Variants in ZSWIM7 observed in about 807,000 individuals in gnomAD.
ZSWIM7 encodes zinc finger SWIM domain-containing protein 7.
ZSWIM7 carries 22 observed loss-of-function variants against 21.1 expected under a neutral mutation model. The observed-to-expected ratio is 1.04, with a 90% CI of 0.74 to 1.49. The LOEUF (loss-of-function observed/expected upper bound fraction) is 1.49, where lower values mean the gene tolerates loss of function less well. Among genes scored for constraint, ZSWIM7 ranks in the 40% most tolerant of loss-of-function variants. The pLI is 0.00. For missense variants in ZSWIM7, 193 were observed against 168.0 expected, an observed-to-expected ratio of 1.15 and a Z score of -0.82; for synonymous variants, 67 against 66.5, an observed-to-expected ratio of 1.01 and a Z score of -0.04.
At chr17:15,979,483 C>T (rs943505213) in intron 4 of ZSWIM7, among the ~76,000 whole-genome samples, 3 of 152,192 alleles carry the variant, frequency 2.0e-5, no homozygotes, top group Non-Finnish European at 2.9e-5. Context: ...CATCATGGCC[C>T]GCTCTCAATG....
At position 15,987,363 on chromosome 17, in the gene ZSWIM7, T is replaced by G; in HGVS notation, c.104A>C (p.Lys35Thr). 1 of 1,612,858 alleles carries G rather than the reference T, an allele frequency of 6.2e-7. No individual in the cohort carries two copies. The highest frequency in any genetic ancestry group is 8.5e-7 in the Non-Finnish European group (1 of 1,179,472). ...RIPDEYLLSL[K>T]FLFGSSATQA... ...GGTGGCTGATGAGCCAAAGAGAAAC[T>G]TCAGCCTGTGAAATAAAAACACTTC... The change falls in exon 3 of 5, where the codon AAG (lysine) becomes ACG (threonine). Residue 35 changes from lysine (K) to threonine (T), a missense_variant. Coordinates refer to ENST00000399277, the MANE Select transcript of ZSWIM7 (RefSeq NM_001042697.2).
chr17:15,999,445 G>A (rs755493296), intron 1 of ZSWIM7, 74 bp downstream of exon 1: 22 of 1,558,838 alleles, frequency 1.4e-5, no homozygotes, highest in Non-Finnish European at 1.8e-5. Context: ...CCCGCCTCCT[G>A]CCTCCCGGCC....
intron 4 of ZSWIM7, 96 bp downstream of exon 4, chr17:15,980,941 TATA>T (rs1273105082): frequency 1.2e-6 from 1 of 824,606 alleles, no homozygotes; most frequent in African/African-American, 1.7e-5. Flanking sequence ...TGTTTCAACA[TATA>T]ATAAGATTCC....
At chr17:15,996,312 C>A (rs901461700) in intron 1 of ZSWIM7, among the ~76,000 whole-genome samples, 8 of 151,298 alleles carry the variant, frequency 5.3e-5, no homozygotes, top group Admixed American at 5.3e-4. Flanking sequence ...TCAAAAAAAA[C>A]CCAAAAAAAC....
chr17:15,987,762 C>A (rs1970433248), intron 2 of ZSWIM7, among the ~76,000 whole-genome samples: 1 of 152,094 alleles, frequency 6.6e-6, no homozygotes, highest in Non-Finnish European at 1.5e-5. Flanking sequence ...AGGCATGTGC[C>A]ACCACACCCG....
chr17:15,981,325 A>T (rs1164099643), intron 3 of ZSWIM7, among the ~76,000 whole-genome samples, 181 bp from the exon 4 acceptor site: 1 of 152,062 alleles, frequency 6.6e-6, no homozygotes, highest in Non-Finnish European at 1.5e-5. Flanking sequence ...TCCCTTCCTC[A>T]CCTCTCAGTG....
chr17:15,999,457 G>C, intron 1 of ZSWIM7, 62 bp downstream of exon 1: 1 of 1,572,400 alleles, frequency 6.4e-7, no homozygotes, highest in Non-Finnish European at 8.6e-7. Context: ...CTCCCGGCCC[G>C]GCGGTGCCCG....
chr17:15,999,584 A>C lies in ZSWIM7; in HGVS notation c.11T>G (p.Val4Gly). The change falls in exon 1 of 5, where the codon GTG (valine) becomes GGG (glycine). Residue 4 changes from valine (V) to glycine (G), a missense_variant. By Grantham distance (109) the Val-to-Gly change is moderately radical. Coordinates refer to ENST00000399277, the MANE Select transcript of ZSWIM7 (RefSeq NM_001042697.2). MAV[V>G]LPAVVEELLS... ...GAGCTCCTCCACAACCGCCGGCAACACTACGGCCATCGCGCCGCAGGACAC... is the reference window on the plus strand; with the variant it reads ...GAGCTCCTCCACAACCGCCGGCAACCCTACGGCCATCGCGCCGCAGGACAC... 1 of 1,584,644 alleles carries C rather than the reference A, an allele frequency of 6.3e-7. No individual in the cohort carries two copies. Among genetic ancestry groups the C allele is most frequent in the Non-Finnish European group, 8.6e-7 (1 of 1,166,724 alleles).
Position 15,977,963 on chromosome 17 carries a change from C to T in ZSWIM7, c.*84G>A. ...TGAAGTGTCTGAAGATCCATTTCAC[C>T]TCTTTTCCATGTGAATCATGACGCT... On this transcript the variant is annotated 3_prime_UTR_variant, in exon 5 of 5. Transcript: ENST00000399277. The T allele has an allele frequency of 2.7e-6, 3 of 1,121,924 alleles. No individual in the cohort carries two copies. The highest frequency in any genetic ancestry group is 4.0e-6 in the Non-Finnish European group (3 of 746,572). The allele number at this position is 1,121,924 out of a possible 1,614,324, so 69.5% of individuals were successfully genotyped here.
rs773752975 is a variant in ZSWIM7, at chr17:15,981,062, A to G, written c.284T>C (p.Leu95Pro). 2 of 1,613,758 alleles carry G rather than the reference A, an allele frequency of 1.2e-6. No homozygotes were observed. The highest frequency in any genetic ancestry group is 1.7e-5 in the Admixed American group (1 of 60,002). The change falls in exon 4 of 5, where the codon CTA (leucine) becomes CCA (proline). Residue 95 changes from leucine to proline, a missense_variant. Physicochemically the swap from Leu to Pro is moderately conservative, Grantham distance 98. Coordinates refer to ENST00000399277, the MANE Select transcript of ZSWIM7 (RefSeq NM_001042697.2). ...CSCPAFAFSVLRKSDSILCKH... is the reference protein window; with the variant it reads ...CSCPAFAFSVPRKSDSILCKH... ...CACCAGGATGCTGTCACTCTTCCGTAGCACTGAGAATGCAAATGCAGGACA... is the reference window on the plus strand; with the variant it reads ...CACCAGGATGCTGTCACTCTTCCGTGGCACTGAGAATGCAAATGCAGGACA...
At chr17:15,983,344 CAAAA>C (rs58918337) in intron 3 of ZSWIM7, among the ~76,000 whole-genome samples, 3,870 of 44,380 alleles carry the variant, frequency 0.087, 111 homozygotes, top group African/African-American at 0.23. Context: ...GACTCTGTCT[CAAAA>C]AAAAAAAAAA....
chr17:15,978,261 G>T, intron 4 of ZSWIM7, 98 bp from the exon 5 acceptor site: 1 of 860,462 alleles, frequency 1.2e-6, no homozygotes, highest in Non-Finnish European at 1.9e-6. Flanking sequence ...GGCAGGAGAA[G>T]ACTAGAGCAT....
chr17:15,981,211 A>T, intron 3 of ZSWIM7, 67 bp from the exon 4 acceptor site: 1 of 1,168,664 alleles, frequency 8.6e-7, no homozygotes, highest in Non-Finnish European at 1.2e-6. Context: ...TTCCCTTTTT[A>T]TTTATGTAGA....
In ZSWIM7 at chr17:15,977,835, G is replaced by C; in HGVS notation, c.*212C>G. 1 of 457,426 alleles carries C rather than the reference G, an allele frequency of 2.2e-6. No individual in the cohort carries two copies. Among genetic ancestry groups the C allele is most frequent in the Non-Finnish European group, 4.0e-6 (1 of 251,688 alleles). 28.3% of individuals were successfully genotyped at this position (457,426 alleles called of 1,614,324 possible). A position where few individuals can be genotyped will look rare whatever the true frequency, so the allele number is the denominator to read the frequency against. On this transcript the variant is annotated 3_prime_UTR_variant, in exon 5 of 5. Coordinates refer to ENST00000399277, the MANE Select transcript of ZSWIM7 (RefSeq NM_001042697.2). Reference sequence around the variant, plus strand: ...CAGAGACTGGCTCAGGGTATTTCTTGACAAGACTGTACAGGGCTTCTCATC... The same window carrying C: ...CAGAGACTGGCTCAGGGTATTTCTTCACAAGACTGTACAGGGCTTCTCATC...
chr17:15,980,662 G>T (rs1970344952), intron 4 of ZSWIM7, among the ~76,000 whole-genome samples: 2 of 152,162 alleles, frequency 1.3e-5, no homozygotes. Flanking sequence ...GTGTCAGGCT[G>T]TCTCACAGGT....
intron 2 of ZSWIM7, among the ~76,000 whole-genome samples, chr17:15,991,960 T>C (rs1970492063): frequency 6.7e-6 from 1 of 148,648 alleles, no homozygotes; most frequent in African/African-American, 2.5e-5. Flanking sequence ...GAGTCTTGCC[T>C]CTGTCACCCA....
intron 1 of ZSWIM7, 172 bp from the exon 2 acceptor site, chr17:15,993,950 T>G: frequency 2.0e-6 from 1 of 503,810 alleles, no homozygotes. Context: ...ATAAAAGGAT[T>G]TCCTTTTTCT....
At chr17:15,979,960 C>T (rs1277567714) in intron 4 of ZSWIM7, among the ~76,000 whole-genome samples, 2 of 135,356 alleles carry the variant, frequency 1.5e-5, no homozygotes, top group Non-Finnish European at 3.2e-5. Flanking sequence ...CAGAGGGGCT[C>T]CTCACTTCCC....
At chr17:15,992,057 G>C (rs1441547379) in intron 2 of ZSWIM7, among the ~76,000 whole-genome samples, 3 of 151,902 alleles carry the variant, frequency 2.0e-5, no homozygotes, top group Non-Finnish European at 2.9e-5. Context: ...CCCCCGAATA[G>C]CTGGGATTAC....
Sources: gnomAD v4.1 joint callset for allele counts (sites outside exome capture counted in the v4.1 genomes callset) on GRCh38, gnomAD v4.1.1 for gene constraint, MANE v1.5 for transcripts, NCBI Gene and HGNC (gene_info 2026-07-23, HGNC 2026-07-21) for gene names.